The following PCDH7 variants were observed in gnomAD, a reference collection of about 807,000 sequenced individuals.
The protein encoded by PCDH7 is protocadherin-7.
In PCDH7, 17 loss-of-function variants were observed where a neutral mutation model predicts 58.9. The ratio of observed to expected loss-of-function variants is 0.29; its 90% CI spans 0.20 to 0.43. The LOEUF is 0.43. Ranked by LOEUF, PCDH7 falls within the 20% of genes least tolerant of loss-of-function variation. PCDH7 has a pLI of 1.00. For missense variants in PCDH7, 1,274 were observed against 1,441.0 expected, an observed-to-expected ratio of 0.88 and a Z score of 1.88; for synonymous variants, 664 against 616.4, an observed-to-expected ratio of 1.08 and a Z score of -1.14.
intron 1 of PCDH7, among the ~76,000 whole-genome samples, chr4:30,730,472 G>A (rs899479752): frequency 3.9e-5 from 6 of 152,104 alleles, no homozygotes; most frequent in African/African-American, 9.6e-5. Context: ...TTTTAAAGGC[G>A]GAATCAAGGT....
At chr4:30,821,244 C>T (rs1728337286) in intron 1 of PCDH7, among the ~76,000 whole-genome samples, 1 of 152,202 alleles carries the variant, frequency 6.6e-6, no homozygotes, top group Non-Finnish European at 1.5e-5. Context: ...ATTCTACCTC[C>T]TCTTTGCAGA....
intron 1 of PCDH7, among the ~76,000 whole-genome samples, chr4:30,907,772 A>G (rs999314198): frequency 6.6e-6 from 1 of 152,188 alleles, no homozygotes; most frequent in Non-Finnish European, 1.5e-5. Context: ...AGCATTATAA[A>G]TCATGCTACT....
intron 3 of PCDH7, among the ~76,000 whole-genome samples, chr4:31,098,376 C>G (rs1254900711): frequency 6.6e-6 from 1 of 152,146 alleles, no homozygotes; most frequent in Non-Finnish European, 1.5e-5. Context: ...TAGTGAGCAC[C>G]TATTTTATAT....
At chr4:30,995,021 G>A (rs1751760995) in intron 3 of PCDH7, among the ~76,000 whole-genome samples, 2 of 152,070 alleles carry the variant, frequency 1.3e-5, no homozygotes, top group Non-Finnish European at 2.9e-5. Context: ...ATTTTTTATT[G>A]ATTACATATT....
intron 3 of PCDH7, among the ~76,000 whole-genome samples, chr4:30,980,045 G>A (rs1190009963): frequency 1.3e-5 from 2 of 152,102 alleles, no homozygotes; most frequent in Non-Finnish European, 2.9e-5. Context: ...CTTTCCCTTT[G>A]TTATACTGTT....
At chr4:31,098,385 A>G (rs936250137) in intron 3 of PCDH7, among the ~76,000 whole-genome samples, 1 of 152,220 alleles carries the variant, frequency 6.6e-6, no homozygotes, top group Admixed American at 6.5e-5. Flanking sequence ...CCTATTTTAT[A>G]TCAATTAGTT....
exon 2 of PCDH7, chr4:30,732,364 C>T (rs1324897423): frequency 3.3e-5 from 5 of 152,136 alleles, no homozygotes; most frequent in African/African-American, 1.2e-4. Context: ...AATCCCGTAA[C>T]AAGTCATATC....
chr4:30,752,191 T>G (rs1424441950), intron 1 of PCDH7, among the ~76,000 whole-genome samples: 3 of 152,122 alleles, frequency 2.0e-5, no homozygotes, highest in Non-Finnish European at 4.4e-5. Context: ...TGGAGTGCAG[T>G]GGCGTGATCC....
At chr4:30,906,036 G>A (rs926012606) in intron 1 of PCDH7, among the ~76,000 whole-genome samples, 1 of 152,266 alleles carries the variant, frequency 6.6e-6, no homozygotes, top group Non-Finnish European at 1.5e-5. Flanking sequence ...AAGATATTAA[G>A]CTTAAGGAAA....
Position 30,722,790 on chromosome 4 carries a change from G to C in PCDH7, c.1368G>C (p.Gly456=). 1 of 1,613,624 alleles carries C rather than the reference G, an allele frequency of 6.2e-7. No homozygotes were observed. Among genetic ancestry groups the C allele is most frequent in the East Asian group, 2.2e-5 (1 of 44,866 alleles). ...CCGACCGAGACCAAGGCGAGAACGG[G>C]GTGGTCACCTGCACCGTGGTGGGCG... Residue 456 remains glycine, a synonymous_variant, in exon 1 of 2, where the codon GGG becomes GGC. Coordinates refer to ENST00000361762, the Ensembl canonical transcript of PCDH7. The surrounding 1 kb of genome is among the most constrained non-coding windows in gnomAD (Gnocchi z 7.6).
rs1366921953 is a variant in PCDH7, at chr4:30,730,809, T to C, written c.*21T>C. 1.9e-6 allele frequency: 3 copies of C among 1,606,958 alleles called. No individual in the cohort carries two copies. In the Admixed American group the frequency reaches 5.2e-5, roughly 28 times the overall value. Reference sequence around the variant, plus strand: ...GCTGAATTCCACTCTAATATGATGCTCCATTATGCACCATACTGTGATGAC... The same window carrying C: ...GCTGAATTCCACTCTAATATGATGCCCCATTATGCACCATACTGTGATGAC... On this transcript the variant is annotated 3_prime_UTR_variant, in exon 2 of 2. Coordinates refer to ENST00000361762, the Ensembl canonical transcript of PCDH7.
At chr4:30,780,900 C>A (rs1470236106) in intron 1 of PCDH7, among the ~76,000 whole-genome samples, 1 of 152,154 alleles carries the variant, frequency 6.6e-6, no homozygotes, top group Admixed American at 6.5e-5. Flanking sequence ...AAACTAAATC[C>A]TCTCACTGTT....
chr4:30,967,227 A>G (rs1749075543), intron 3 of PCDH7, among the ~76,000 whole-genome samples: 1 of 152,136 alleles, frequency 6.6e-6, no homozygotes, highest in Admixed American at 6.5e-5. Context: ...AAAATCAGTC[A>G]TAAACACAAT....
At chr4:30,991,425 G>A (rs534328993) in intron 3 of PCDH7, among the ~76,000 whole-genome samples, 1 of 152,326 alleles carries the variant, frequency 6.6e-6, no homozygotes, top group South Asian at 2.1e-4. Context: ...GAAGAAAAGA[G>A]TTAAAGAGGG....
At chr4:31,001,556 C>T (rs988551505) in intron 3 of PCDH7, among the ~76,000 whole-genome samples, 1 of 152,016 alleles carries the variant, frequency 6.6e-6, no homozygotes, top group African/African-American at 2.4e-5. Flanking sequence ...CACACACACA[C>T]GTACATACAT....
At chr4:31,106,418 G>A (rs2109306192) in intron 3 of PCDH7, among the ~76,000 whole-genome samples, 1 of 152,312 alleles carries the variant, frequency 6.6e-6, no homozygotes, top group Admixed American at 6.5e-5. Flanking sequence ...CACCAGGTAA[G>A]TGCTAACTAT....
intron 3 of PCDH7, among the ~76,000 whole-genome samples, chr4:31,015,917 A>G (rs1753570548): frequency 6.6e-6 from 1 of 152,216 alleles, no homozygotes; most frequent in African/African-American, 2.4e-5. Flanking sequence ...TGAATGTATT[A>G]GTTATGTTCA....
chr4:31,080,058 T>C (rs1466487364), intron 3 of PCDH7, among the ~76,000 whole-genome samples: 5 of 152,330 alleles, frequency 3.3e-5, no homozygotes, highest in African/African-American at 1.2e-4. Context: ...CTTCCTGCAA[T>C]AAGATAAAAG....
chr4:31,122,403 A>G lies in PCDH7; in HGVS notation c.*8-20070A>G, dbSNP rs143479704. Among the ~76,000 whole-genome samples, 115 of 152,254 alleles carry G rather than the reference A, an allele frequency of 7.6e-4. 1 individual carries two copies. Among genetic ancestry groups the G allele is most frequent in the African/African-American group, 2.7e-3 (113 of 41,580 alleles). On this transcript the variant is annotated intron_variant, in intron 3 of 3. Transcript: ENST00000509759. ...AAGTTTTCACTGACAGTTACTTTAA[A>G]AGACAAGTCTTCTCAAGATATTTGT...
Sources: gnomAD v4.1 joint callset for allele counts (sites outside exome capture counted in the v4.1 genomes callset) on GRCh38, gnomAD v4.1.1 for gene constraint, Gnocchi (gnomAD v3.1) non-coding constraint, MANE v1.5 for transcripts, NCBI Gene and HGNC (gene_info 2026-07-23, HGNC 2026-07-21) for gene names.